ATP9A: variants seen among roughly 807,000 people sequenced by gnomAD.
ATP9A encodes ATPase phospholipid transporting 9A, also known as probable phospholipid-transporting ATPase IIA.
ATP9A carries 52 observed loss-of-function variants against 144.1 expected under a neutral mutation model. The observed-to-expected ratio is 0.36, with a 90% CI of 0.29 to 0.45. ATP9A has a LOEUF of 0.45. Among genes scored for constraint, ATP9A ranks in the 20% least tolerant of loss-of-function variants. The pLI is 1.00. For synonymous variants in ATP9A, 582 were observed against 557.4 expected, an observed-to-expected ratio of 1.04 and a Z score of -0.62; for missense variants, 947 against 1,392.7, an observed-to-expected ratio of 0.68 and a Z score of 5.09.
chr20:51,681,827 G>A (rs937913311), intron 9 of ATP9A, among the ~76,000 whole-genome samples: 2 of 152,206 alleles, frequency 1.3e-5, no homozygotes, highest in Non-Finnish European at 2.9e-5. Flanking sequence ...CCTCAGCACC[G>A]AACAGGTGCG....
chr20:51,739,301 C>T (rs574878903), intron 1 of ATP9A, among the ~76,000 whole-genome samples: 7 of 152,034 alleles, frequency 4.6e-5, no homozygotes, highest in Non-Finnish European at 1.0e-4. Context: ...TAGGTCTACT[C>T]CCTCAGTCCT....
chr20:51,750,045 C>T (rs1219796068), intron 1 of ATP9A, among the ~76,000 whole-genome samples: 1 of 152,136 alleles, frequency 6.6e-6, no homozygotes, highest in African/African-American at 2.4e-5. Context: ...ATCCCAGCTA[C>T]TTGGGAGGCT....
intron 1 of ATP9A, among the ~76,000 whole-genome samples, chr20:51,765,694 G>A (rs1042078686): frequency 6.9e-5 from 10 of 143,958 alleles, no homozygotes; most frequent in Admixed American, 3.5e-4. Context: ...GGTGGCTCAC[G>A]TCTGTAATCC....
intron 11 of ATP9A, among the ~76,000 whole-genome samples, chr20:51,672,693 G>A (rs149978046): frequency 6.6e-6 from 1 of 152,244 alleles, no homozygotes; most frequent in African/African-American, 2.4e-5. Context: ...GTATAAGACA[G>A]AGTATAAGCA....
At chr20:51,631,844 GCAAAAA>G (rs1279427704) in intron 15 of ATP9A, among the ~76,000 whole-genome samples, 2 of 152,124 alleles carry the variant, frequency 1.3e-5, no homozygotes, top group Non-Finnish European at 2.9e-5. Flanking sequence ...CAACCTTCCT[GCAAAAA>G]GACATCACAC....
chr20:51,677,096 G>A (rs2077480654), intron 9 of ATP9A, among the ~76,000 whole-genome samples: 1 of 151,026 alleles, frequency 6.6e-6, no homozygotes, highest in Non-Finnish European at 1.5e-5. Flanking sequence ...ACCATGCTTG[G>A]CTAATTTTTG....
In ATP9A at chr20:51,692,222, A is replaced by G. The variant is rs149263216; in HGVS notation, c.643-1403T>C. ...TGTACTTCATGCCACTGAACTGTAC[A>G]CTTAAAAACGGTTAGGACGATAGAT... On this transcript the variant is annotated intron_variant, in intron 7 of 27. Transcript: ENST00000338821. 1.2e-3 allele frequency among the ~76,000 whole-genome samples: 179 copies of G among 152,358 alleles called. 1 individual carries two copies. Among genetic ancestry groups the G allele is most frequent in the African/African-American group, 4.2e-3 (174 of 41,584 alleles).
intron 17 of ATP9A, among the ~76,000 whole-genome samples, chr20:51,627,206 T>C (rs952252651): frequency 3.3e-5 from 5 of 152,218 alleles, no homozygotes; most frequent in Admixed American, 2.6e-4. Flanking sequence ...CAAGTTTATA[T>C]TCTTCTGGCC....
At chr20:51,671,707 C>T (rs1187079377) in intron 11 of ATP9A, among the ~76,000 whole-genome samples, 2 of 152,092 alleles carry the variant, frequency 1.3e-5, no homozygotes, top group Non-Finnish European at 2.9e-5. Context: ...ACTGAAATTC[C>T]ACACCCATTC....
chr20:51,725,974 G>T, intron 2 of ATP9A, 42 bp from the exon 3 acceptor site: 1 of 1,157,350 alleles, frequency 8.6e-7, no homozygotes, highest in Non-Finnish European at 1.3e-6. Context: ...TTCAGGGCTT[G>T]TCTGATGAGA....
chr20:51,738,057 C>A (rs2077770039), intron 1 of ATP9A, among the ~76,000 whole-genome samples: 1 of 147,656 alleles, frequency 6.8e-6, no homozygotes, highest in Admixed American at 6.8e-5. Flanking sequence ...GAGACAGAGT[C>A]TCTCTCTGTT....
At chr20:51,749,180 C>G (rs919832487) in intron 1 of ATP9A, among the ~76,000 whole-genome samples, 1 of 152,034 alleles carries the variant, frequency 6.6e-6, no homozygotes, top group Non-Finnish European at 1.5e-5. Context: ...GGCAACACAG[C>G]CCCCACATCT....
intron 4 of ATP9A, among the ~76,000 whole-genome samples, chr20:51,701,855 T>C (rs2077594480): frequency 6.6e-6 from 1 of 152,182 alleles, no homozygotes. Context: ...CATGTTGTCT[T>C]TTCTTTTGGT....
intron 4 of ATP9A, among the ~76,000 whole-genome samples, chr20:51,697,872 A>C (rs530148593): frequency 3.1e-4 from 47 of 152,224 alleles, no homozygotes; most frequent in Non-Finnish European, 6.3e-4. Context: ...AAAAAGAAAG[A>C]AGCTAACTAA....
intron 4 of ATP9A, among the ~76,000 whole-genome samples, chr20:51,709,550 C>A (rs978854099): frequency 2.7e-4 from 41 of 151,998 alleles, no homozygotes; most frequent in African/African-American, 9.2e-4. Flanking sequence ...AACATGGCAA[C>A]CCCATCTCTA....
intron 4 of ATP9A, among the ~76,000 whole-genome samples, chr20:51,705,830 T>C (rs1457768393): frequency 6.6e-6 from 1 of 152,236 alleles, no homozygotes; most frequent in South Asian, 2.1e-4. Flanking sequence ...CCCAATTCTC[T>C]TGAGTAACAA....
rs374575802 is a variant in ATP9A, at chr20:51,696,995, C to T, written c.495+429G>A. 1.3e-4 allele frequency among the ~76,000 whole-genome samples: 20 copies of T among 152,232 alleles called. 3 individuals carry two copies. Among genetic ancestry groups the T allele is most frequent in the Admixed American group, 2.0e-4 (3 of 15,290 alleles). ...GTTCTCAGGTTACACTTAACCCCTG[C>T]TCCCCATAAAATAATAGACAAGCAC... On this transcript the variant is annotated intron_variant, in intron 5 of 27. Coordinates refer to ENST00000338821, the MANE Select transcript of ATP9A (RefSeq NM_006045.3).
In ATP9A at chr20:51,611,032, CAG is replaced by C. The variant is rs1216285990; in HGVS notation, c.2572-869_2572-868del. ...CCATCTCTGGACCTCTATGGGCTAA[CAG>C]AGGAAACACGGTCTCCAAGCTGATA... is the stretch of plus-strand genomic sequence containing the variant. On this transcript the variant is annotated intron_variant, in intron 23 of 27. Transcript: ENST00000338821. The surrounding 1 kb of genome is among the most constrained non-coding windows in gnomAD (Gnocchi z 4.2). Among the ~76,000 whole-genome samples, 1 of 152,152 alleles carries C rather than the reference CAG, an allele frequency of 6.6e-6. No individual in the cohort carries two copies. Among genetic ancestry groups the C allele is most frequent in the Non-Finnish European group, 1.5e-5 (1 of 68,028 alleles).
Position 51,689,101 on chromosome 20 carries a change from T to C in ATP9A, c.762A>G (p.Ile254Met). The change falls in exon 9 of 28, where the codon ATA becomes ATG. Residue 254 changes from isoleucine to methionine, a missense_variant. Physicochemically the swap from Ile to Met is conservative, Grantham distance 10. Around this residue, in one of 2 missense-constraint regions of ATP9A, gnomAD observed 770 missense variants for 1,047.9 expected, o/e 0.73. Transcript: ENST00000338821. ...CAGTGCCAGCCCACAGCGTGTTCTC[T>C]ATGCTCAGGCTCTCGCTGATCGGGG... ...SDPPISESLS[I>M]ENTLWAGTVV... 6.2e-7 allele frequency: 1 copy of C among 1,614,120 alleles called. No homozygotes were observed. The highest frequency in any genetic ancestry group is 8.5e-7 in the Non-Finnish European group (1 of 1,180,018).
Sources: gnomAD v4.1 joint callset for allele counts (sites outside exome capture counted in the v4.1 genomes callset) on GRCh38, gnomAD v4.1.1 for gene constraint, gnomAD v4.1.1 regional missense constraint, Gnocchi (gnomAD v3.1) non-coding constraint, MANE v1.5 for transcripts, NCBI Gene and HGNC (gene_info 2026-07-23, HGNC 2026-07-21) for gene names.